The following GTPBP2 variants were observed in gnomAD, a reference collection of about 807,000 sequenced individuals.
GTPBP2 encodes GTP binding protein 2, also known as GTP-binding protein 2.
Under a neutral mutation model 63.0 loss-of-function variants are expected in GTPBP2, and 32 were observed. The observed-to-expected ratio is 0.51, with a 90% CI of 0.38 to 0.68. The LOEUF (loss-of-function observed/expected upper bound fraction) is 0.68. GTPBP2 is among the 30% of genes least tolerant of loss of function. GTPBP2 has a pLI of 0.00. For synonymous variants in GTPBP2, 310 were observed against 322.6 expected, an observed-to-expected ratio of 0.96 and a Z score of 0.42; for missense variants, 492 against 796.9, an observed-to-expected ratio of 0.62 and a Z score of 4.61.
chr6:43,629,764 G>A (rs375984452), upstream of GTPBP2: 28 of 1,560,104 alleles, frequency 1.8e-5, no homozygotes, highest in East Asian at 1.2e-4. Context: ...CCCGCGTGCC[G>A]CTGGGGTGAG....
intron 9 of GTPBP2, chr6:43,623,295 CAGG>C (rs1398352395): frequency 5.6e-6 from 1 of 178,092 alleles, no homozygotes. Flanking sequence ...AAGGCTGAGG[CAGG>C]AGAATTGCTG....
At chr6:43,629,969 C>T (rs970318111), upstream of GTPBP2, among the ~76,000 whole-genome samples, 3 of 152,266 alleles carry the variant, frequency 2.0e-5, no homozygotes, top group Non-Finnish European at 2.9e-5. Context: ...CAGCTTCCTC[C>T]CCGAAGGCTG....
chr6:43,628,899 T>C (rs1201707525), intron 1 of GTPBP2, 78 bp downstream of exon 1: 2 of 1,457,244 alleles, frequency 1.4e-6, no homozygotes, highest in Non-Finnish European at 1.9e-6. Context: ...GGAGATTAAT[T>C]ATCTGGGTCC....
chr6:43,625,161 T>A lies in GTPBP2; in HGVS notation c.706-99A>T. The A allele has an allele frequency of 8.3e-7, 1 of 1,201,292 alleles. No homozygotes were observed. The highest frequency in any genetic ancestry group is 1.2e-6 in the Non-Finnish European group (1 of 840,924). 74.4% of individuals were successfully genotyped at this position (1,201,292 alleles called of 1,614,324 possible). A position where few individuals can be genotyped will look rare whatever the true frequency, so the allele number is the denominator to read the frequency against. ...CCATTCCCTGGGTGACCCTGCCTCT[T>A]AATCTTGACCCCATTTTTTATTTAA... On this transcript the variant is annotated intron_variant, in intron 5 of 11. Transcript: ENST00000307126. The surrounding 1 kb of genome is among the most constrained non-coding windows in gnomAD (Gnocchi z 5.1).
chr6:43,626,488 G>T lies in GTPBP2; in HGVS notation c.214-78C>A. Reference sequence around the variant, plus strand: ...CTACATGGTCCCCACCTGTTCTGCTGCAAGGACCAGGACTTTCTCTTTCCA... The same window carrying T: ...CTACATGGTCCCCACCTGTTCTGCTTCAAGGACCAGGACTTTCTCTTTCCA... On this transcript the variant is annotated intron_variant, in intron 2 of 11. Transcript: ENST00000307126. This position sits in a 1 kb window ranked among gnomAD's most constrained non-coding sequence, Gnocchi z 4.0. The T allele has an allele frequency of 8.8e-7, 1 of 1,140,884 alleles. No homozygotes were observed. The highest frequency in any genetic ancestry group is 1.4e-5 in the South Asian group (1 of 73,458). The allele number at this position is 1,140,884 out of a possible 1,614,324, so 70.7% of individuals were successfully genotyped here.
upstream of GTPBP2, chr6:43,629,748 C>T (rs759855879): frequency 6.4e-7 from 1 of 1,554,878 alleles, no homozygotes; most frequent in Admixed American, 1.9e-5. Flanking sequence ...GTTTCTTCCC[C>T]TATGGCCCGC....
At chr6:43,623,855 T>C (rs1582345343) in intron 8 of GTPBP2, 60 bp from the exon 9 acceptor site, 1 of 1,612,206 alleles carries the variant, frequency 6.2e-7, no homozygotes, top group East Asian at 2.2e-5. Context: ...GTCCAAAATC[T>C]CTAAACAGAC....
intron 9 of GTPBP2, chr6:43,623,096 T>G: frequency 2.5e-6 from 1 of 399,496 alleles, no homozygotes; most frequent in Admixed American, 3.9e-5. Flanking sequence ...ATTCTCTGCT[T>G]TGCAGAGTCT....
rs907801921 is a variant in GTPBP2, at chr6:43,621,185, C to G, written c.*429G>C. On this transcript the variant is annotated 3_prime_UTR_variant, in exon 12 of 12. Coordinates refer to ENST00000307126, the MANE Select transcript of GTPBP2 (RefSeq NM_019096.5). ...CAGCCAGGTAGAGATGGGCAACTTA[C>G]ATGGCCTTGAGAAGAGGTATAGAAA... is the stretch of plus-strand genomic sequence containing the variant. The G allele has an allele frequency of 5.8e-6, 2 of 346,470 alleles. No homozygotes were observed. The highest frequency in any genetic ancestry group is 2.1e-5 in the African/African-American group (1 of 46,664). The allele number at this position is 346,470 out of a possible 1,614,324, so 21.5% of individuals were successfully genotyped here. A position where few individuals can be genotyped will look rare whatever the true frequency, so the allele number is the denominator to read the frequency against.
intron 1 of GTPBP2, chr6:43,627,262 C>A: frequency 7.1e-6 from 8 of 1,131,760 alleles, no homozygotes; most frequent in South Asian, 3.9e-5. Flanking sequence ...TTCCTCCCCA[C>A]CTCCAGGGCC....
rs1364175740 is a variant in GTPBP2 at position 43,626,980 on chromosome 6, C to T, written c.187-32G>A. On this transcript the variant is annotated intron_variant, in intron 1 of 11. Transcript: ENST00000307126. The surrounding 1 kb of genome is among the most constrained non-coding windows in gnomAD (Gnocchi z 4.0). ...AGAAACAGTGAGCAGTTACCATACA[C>T]TGTACAGACCCAATCCCTACTTCCC... 1 of 1,583,848 alleles carries T rather than the reference C, an allele frequency of 6.3e-7. No individual in the cohort carries two copies. Among genetic ancestry groups the T allele is most frequent in the South Asian group, 1.1e-5 (1 of 88,216 alleles).
Position 43,629,139 on chromosome 6 carries a change from C to A in GTPBP2, c.24G>T (p.Leu8=). 1 of 1,513,504 alleles carries A rather than the reference C, an allele frequency of 6.6e-7. No individual in the cohort carries two copies. Among genetic ancestry groups the A allele is most frequent in the Non-Finnish European group, 8.8e-7 (1 of 1,136,790 alleles). The allele number at this position is 1,513,504 out of a possible 1,614,324, so 93.8% of individuals were successfully genotyped here. The change falls in exon 1 of 12, where the codon CTG becomes CTT. Residue 8 remains leucine (L), a synonymous_variant. Transcript: ENST00000307126. ...CTCCGGGCCGGCAGCAGCCGCCGAACAGCTCCGATACCCGCGAGTCCATCC... is the reference window on the plus strand; with the variant it reads ...CTCCGGGCCGGCAGCAGCCGCCGAAAAGCTCCGATACCCGCGAGTCCATCC... The part of the protein sequence containing the change: MDSRVSE[L]FGGCCRPGGG...
intron 1 of GTPBP2, among the ~76,000 whole-genome samples, chr6:43,627,582 G>T (rs922012605): frequency 1.3e-5 from 2 of 152,146 alleles, no homozygotes; most frequent in African/African-American, 4.8e-5. Flanking sequence ...TTTACCTCTT[G>T]CCCCCTAACC....
In GTPBP2 at chr6:43,628,590, C is replaced by T. The variant is rs1769621060; in HGVS notation, c.186+387G>A. ...CTTTTCCCGGGTACTCCCCTTCTCC[C>T]TGTGGAACAAGTTTAGAAGAAGTGG... On this transcript the variant is annotated intron_variant, in intron 1 of 11. Coordinates refer to ENST00000307126, the MANE Select transcript of GTPBP2 (RefSeq NM_019096.5). The T allele has an allele frequency of 3.1e-6, 3 of 974,958 alleles. No homozygotes were observed. In the African/African-American group the frequency reaches 5.3e-5, roughly 17 times the overall value. The allele number at this position is 974,958 out of a possible 1,614,324, so 60.4% of individuals were successfully genotyped here.
In GTPBP2 at chr6:43,621,580, G is replaced by A. The variant is rs1171007736; in HGVS notation, c.*34C>T. 1 of 1,613,918 alleles carries A rather than the reference G, an allele frequency of 6.2e-7. No individual in the cohort carries two copies. The highest frequency in any genetic ancestry group is 1.3e-5 in the African/African-American group (1 of 75,046). ...GCCAGAAGTCACCTTATATATTGTAGGGACAGCAATAGAACTGTCCCTGCC... is the reference window on the plus strand; with the variant it reads ...GCCAGAAGTCACCTTATATATTGTAAGGACAGCAATAGAACTGTCCCTGCC... On this transcript the variant is annotated 3_prime_UTR_variant, in exon 12 of 12. Coordinates refer to ENST00000307126, the MANE Select transcript of GTPBP2 (RefSeq NM_019096.5).
chr6:43,626,451 T>C lies in GTPBP2; in HGVS notation c.214-41A>G. 3.9e-6 allele frequency: 6 copies of C among 1,556,738 alleles called. No homozygotes were observed. Among genetic ancestry groups the C allele is most frequent in the Non-Finnish European group, 5.3e-6 (6 of 1,130,346 alleles). On this transcript the variant is annotated intron_variant, in intron 2 of 11. Transcript: ENST00000307126. The surrounding 1 kb of genome is among the most constrained non-coding windows in gnomAD (Gnocchi z 4.0). ...GTATCATAAGGTGAAATCAGAGGTG[T>C]TCCTCCCAAACCTACATGGTCCCCA...
At chr6:43,630,928 A>G (rs566830207), upstream of GTPBP2, among the ~76,000 whole-genome samples, 800 of 151,016 alleles carry the variant, frequency 5.3e-3, 4 homozygotes, top group Middle Eastern at 0.01. Context: ...AAAAAAAAAA[A>G]AAAGAAAGAA....
At position 43,624,937 on chromosome 6, in the gene GTPBP2, T is replaced by G. The variant is rs1769177327; in HGVS notation, c.831A>C (p.Ser277=). 3.1e-6 allele frequency: 5 copies of G among 1,613,950 alleles called. No individual in the cohort carries two copies. In the South Asian group the frequency reaches 5.5e-5, roughly 18 times the overall value. The change falls in exon 6 of 12, where the codon TCA becomes TCC. Residue 277 remains serine, a synonymous_variant. Transcript: ENST00000307126. This position sits in a 1 kb window ranked among gnomAD's most constrained non-coding sequence, Gnocchi z 5.1. ...YLHTTIFGLT[S]YCPDCALLLV... ...GGAGCAGGGCGCAGTCGGGGCAGTA[T>G]GATGTGAGGCCAAAGATGGTGGTGT...
chr6:43,627,195 A>C, intron 1 of GTPBP2: 1 of 839,522 alleles, frequency 1.2e-6, no homozygotes, highest in African/African-American at 1.8e-5. Flanking sequence ...CAGAACACTG[A>C]ATCAATCCAT....
Sources: allele counts gnomAD v4.1 joint callset (sites outside exome capture counted in the v4.1 genomes callset), GRCh38; gene constraint gnomAD v4.1.1; non-coding constraint Gnocchi (gnomAD v3.1); transcripts MANE v1.5; gene names NCBI Gene and HGNC (gene_info 2026-07-23, HGNC 2026-07-21).